Variants in STXBP5L observed in about 807,000 individuals in gnomAD.
STXBP5L encodes syntaxin binding protein 5L.
In STXBP5L, 65 loss-of-function variants were observed where a neutral mutation model predicts 144.5. The observed-to-expected ratio is 0.45, with a 90% CI of 0.37 to 0.55. The LOEUF is 0.55. Among genes scored for constraint, STXBP5L ranks in the 20% least tolerant of loss-of-function variants. The pLI is 0.00. For missense variants in STXBP5L, 1,298 were observed against 1,405.5 expected (o/e 0.92, Z 1.22); for synonymous variants, 505 against 469.6 (o/e 1.08, Z -0.97).
intron 5 of STXBP5L, among the ~76,000 whole-genome samples, chr3:121,103,506 G>C (rs987279126): frequency 1.3e-5 from 2 of 152,028 alleles, no homozygotes; most frequent in Non-Finnish European, 2.9e-5. Flanking sequence ...TTGGATAAAA[G>C]ATGGCAAAAA....
At chr3:121,131,574 A>C (rs1280768621) in intron 7 of STXBP5L, among the ~76,000 whole-genome samples, 1 of 152,302 alleles carries the variant, frequency 6.6e-6, no homozygotes, top group East Asian at 1.9e-4. Flanking sequence ...GAAAGCCTAA[A>C]ATATTTACTG....
At chr3:121,333,909 TC>T (rs1168278960) in intron 20 of STXBP5L, among the ~76,000 whole-genome samples, 1 of 152,086 alleles carries the variant, frequency 6.6e-6, no homozygotes, top group Non-Finnish European at 1.5e-5. Flanking sequence ...TTTGGCTGTG[TC>T]CCCACCCAGA....
At chr3:121,045,242 G>T (rs1348996502) in intron 4 of STXBP5L, among the ~76,000 whole-genome samples, 193 bp from the exon 5 acceptor site, 1 of 152,038 alleles carries the variant, frequency 6.6e-6, no homozygotes, top group Non-Finnish European at 1.5e-5. Context: ...AATGCAGTGG[G>T]TCAGTTGCCT....
chr3:121,348,351 C>T (rs539411156), intron 20 of STXBP5L, among the ~76,000 whole-genome samples: 41 of 152,050 alleles, frequency 2.7e-4, no homozygotes, highest in African/African-American at 9.2e-4. Context: ...CTGCTGGATT[C>T]GGTTTGCCAG....
chr3:121,356,483 G>A (rs564003767), intron 20 of STXBP5L, among the ~76,000 whole-genome samples: 17 of 152,372 alleles, frequency 1.1e-4, no homozygotes, highest in African/African-American at 3.4e-4. Context: ...CTGTGGGCAT[G>A]GGACCTGCTG....
At position 121,381,327 on chromosome 3, in the gene STXBP5L, C is replaced by G; in HGVS notation, c.2382C>G (p.Ser794Arg). 1 of 1,591,402 alleles carries G rather than the reference C, an allele frequency of 6.3e-7. No individual in the cohort carries two copies. The highest frequency in any genetic ancestry group is 8.5e-7 in the Non-Finnish European group (1 of 1,174,020). ...NRENSYNRSRSSSISSIDKDS... is the reference protein window; with the variant it reads ...NRENSYNRSRRSSISSIDKDS... The stretch of plus-strand genomic sequence containing the variant: ...AAAATTCCTATAATCGTTCTAGAAG[C>G]TCTAGTATCTCCAGTATTGACAAAG... The change falls in exon 22 of 27, where the codon AGC becomes AGG. Residue 794 changes from serine to arginine, a missense_variant. Coordinates refer to ENST00000471454, the MANE Select transcript of STXBP5L (RefSeq NM_001308330.2).
chr3:121,268,156 C>T (rs2050632387), intron 18 of STXBP5L, among the ~76,000 whole-genome samples: 1 of 152,160 alleles, frequency 6.6e-6, no homozygotes, highest in African/African-American at 2.4e-5. Flanking sequence ...TTGTAACCAA[C>T]CGAAATGCCC....
intron 5 of STXBP5L, among the ~76,000 whole-genome samples, chr3:121,081,197 A>T (rs2042233262): frequency 6.6e-6 from 1 of 151,952 alleles, no homozygotes; most frequent in Non-Finnish European, 1.5e-5. Context: ...TTTTATTTCC[A>T]GAAGTTGTAG....
intron 20 of STXBP5L, among the ~76,000 whole-genome samples, chr3:121,340,500 G>A (rs2044668958): frequency 9.2e-6 from 1 of 108,502 alleles, no homozygotes; most frequent in Admixed American, 1.1e-4. Context: ...CCCCCCGACA[G>A]GCCCCGGTGT....
chr3:121,389,216 T>G (rs2046509725), intron 22 of STXBP5L, among the ~76,000 whole-genome samples: 1 of 152,226 alleles, frequency 6.6e-6, no homozygotes, highest in South Asian at 2.1e-4. Context: ...AGTTTGTATT[T>G]CTGTGGGATG....
chr3:121,334,436 C>G (rs1302746794), intron 20 of STXBP5L, among the ~76,000 whole-genome samples: 2 of 139,470 alleles, frequency 1.4e-5, no homozygotes, highest in Non-Finnish European at 3.2e-5. Context: ...GGCAGGGACA[C>G]AACAACAAAA....
At chr3:121,114,869 T>C (rs2107827726) in intron 5 of STXBP5L, 56 bp from the exon 6 acceptor site, 2 of 1,261,814 alleles carry the variant, frequency 1.6e-6, no homozygotes, top group East Asian at 5.3e-5. Flanking sequence ...AAGGAAAATA[T>C]AATGCTGACC....
At chr3:120,929,291 T>C (rs2107612598) in intron 2 of STXBP5L, among the ~76,000 whole-genome samples, 1 of 152,316 alleles carries the variant, frequency 6.6e-6, no homozygotes, top group Non-Finnish European at 1.5e-5. Flanking sequence ...CTTCCTTGTC[T>C]GGTTGCTGCA....
intron 5 of STXBP5L, among the ~76,000 whole-genome samples, chr3:121,091,158 T>A (rs1376806752): frequency 6.8e-6 from 1 of 148,066 alleles, no homozygotes; most frequent in Non-Finnish European, 1.5e-5. Flanking sequence ...TGTGCCACAT[T>A]TTCTTAATCC....
chr3:120,986,252 C>T (rs1942276528), intron 3 of STXBP5L, among the ~76,000 whole-genome samples: 1 of 151,764 alleles, frequency 6.6e-6, no homozygotes, highest in African/African-American at 2.4e-5. Context: ...TGGAGAAGAT[C>T]CTTTGTATGT....
At chr3:121,234,653 A>G (rs958657993) in intron 12 of STXBP5L, among the ~76,000 whole-genome samples, 1 of 151,738 alleles carries the variant, frequency 6.6e-6, no homozygotes, top group African/African-American at 2.4e-5. Flanking sequence ...GTTGTTTGTA[A>G]ATGTAAGATC....
chr3:121,103,617 C>G (rs1350654513), intron 5 of STXBP5L, among the ~76,000 whole-genome samples: 3 of 152,102 alleles, frequency 2.0e-5, no homozygotes, highest in Non-Finnish European at 4.4e-5. Flanking sequence ...CACACCTATA[C>G]ATGTACCTCC....
Position 121,043,765 on chromosome 3 carries a change from T to C in STXBP5L, c.370-1670T>C, listed in dbSNP as rs72968834. On this transcript the variant is annotated intron_variant, in intron 4 of 26. Coordinates refer to ENST00000471454, the MANE Select transcript of STXBP5L (RefSeq NM_001308330.2). ...GAGTTCCTCACTAGAATTATTTAGG[T>C]ATTACTGTAAGATATTATTGAATAT... 2.9e-3 allele frequency among the ~76,000 whole-genome samples: 436 copies of C among 152,256 alleles called. 2 individuals are homozygous for C. The highest frequency in any genetic ancestry group is 9.9e-3 in the African/African-American group (410 of 41,566).
At chr3:121,078,964 G>A (rs2042142521) in intron 5 of STXBP5L, among the ~76,000 whole-genome samples, 2 of 152,242 alleles carry the variant, frequency 1.3e-5, no homozygotes. Flanking sequence ...AGCTGAGGGA[G>A]ACAGCTCCGG....
Sources: gnomAD v4.1 joint callset for allele counts (sites outside exome capture counted in the v4.1 genomes callset) on GRCh38, gnomAD v4.1.1 for gene constraint, MANE v1.5 for transcripts, NCBI Gene and HGNC (gene_info 2026-07-23, HGNC 2026-07-21) for gene names.